RANBP17: variants seen among roughly 807,000 people sequenced by gnomAD.
RANBP17 encodes RAN binding protein 17.
RANBP17 carries 158 observed loss-of-function variants against 141.2 expected under a neutral mutation model. The ratio of observed to expected loss-of-function variants is 1.12; its 90% CI spans 0.98 to 1.28. RANBP17 has a LOEUF of 1.28. Among genes scored for constraint, RANBP17 ranks in the 50% most tolerant of loss-of-function variants. The probability of loss-of-function intolerance (pLI) is 0.00; values close to 1 mark genes in which losing one functional copy is unlikely to be tolerated. For missense variants in RANBP17, 1,438 were observed against 1,290.7 expected (o/e 1.11, Z -1.75); for synonymous variants, 430 against 450.0 (o/e 0.96, Z 0.56).
In RANBP17 at chr5:171,023,907, A is replaced by C. The variant is rs577178345; in HGVS notation, c.1710+55530A>C. On this transcript the variant is annotated intron_variant, in intron 14 of 27. Coordinates refer to ENST00000523189, the MANE Select transcript of RANBP17 (RefSeq NM_022897.5). ...ACTGGCTGTTTGCTCTTGGATCAAA[A>C]GTGTTACTTCATATATTTAATCCAG... is the stretch of plus-strand genomic sequence containing the variant. 2.2e-4 allele frequency among the ~76,000 whole-genome samples: 33 copies of C among 152,308 alleles called. No homozygotes were observed. The East Asian group carries it at 5.6e-3, about 26-fold the overall frequency.
chr5:170,897,360 T>TTCC, intron 5 of RANBP17: 1 of 238,146 alleles, frequency 4.2e-6, no homozygotes, highest in Non-Finnish European at 8.6e-6. Flanking sequence ...CTTCTTCTTC[T>TTCC]TTTTTTTTTT....
chr5:171,115,462 G>T (rs1467782901), intron 14 of RANBP17, among the ~76,000 whole-genome samples: 1 of 152,152 alleles, frequency 6.6e-6, no homozygotes, highest in Non-Finnish European at 1.5e-5. Flanking sequence ...ATTGCCATGA[G>T]TTTGTACATG....
Position 170,909,696 on chromosome 5 carries a change from AATAG to A in RANBP17, c.526_529del (p.Ile176LeufsTer13). 5 of 1,598,150 alleles carry A rather than the reference AATAG, an allele frequency of 3.1e-6. No individual in the cohort carries two copies. The South Asian group carries it at 5.6e-5, about 18-fold the overall frequency. ...CTAGACCTTCAGCAAAACACAGGAA[AATAG>A]CTACCTCATTTCGTGATACTTCTCT... On this transcript the variant is annotated frameshift_variant, in exon 6 of 28. Coordinates refer to ENST00000523189, the MANE Select transcript of RANBP17 (RefSeq NM_022897.5). LOFTEE classifies it high-confidence loss of function.
intron 14 of RANBP17, among the ~76,000 whole-genome samples, chr5:171,155,094 A>C (rs10059918): frequency 1.3e-5 from 1 of 74,988 alleles, no homozygotes; most frequent in African/African-American, 5.2e-5. Context: ...AAAAAAAAAA[A>C]ATATATATAT....
At chr5:170,980,964 C>T (rs557759573) in intron 14 of RANBP17, among the ~76,000 whole-genome samples, 2 of 151,110 alleles carry the variant, frequency 1.3e-5, no homozygotes, top group East Asian at 1.9e-4. Context: ...GCCACAGGAG[C>T]GGAGCTACCC....
intron 5 of RANBP17, 102 bp downstream of exon 5, chr5:170,896,217 G>A (rs1770107290): frequency 5.3e-6 from 4 of 760,350 alleles, no homozygotes; most frequent in Non-Finnish European, 8.7e-6. Context: ...TCATTTTGTG[G>A]CATAAAACTC....
intron 13 of RANBP17, among the ~76,000 whole-genome samples, chr5:170,959,925 A>T (rs970876431): frequency 3.3e-5 from 5 of 152,286 alleles, no homozygotes; most frequent in Non-Finnish European, 7.4e-5. Flanking sequence ...ATATAAGTGG[A>T]CCTGCACAGT....
At chr5:171,060,414 A>T (rs1319343029) in intron 14 of RANBP17, among the ~76,000 whole-genome samples, 1 of 152,032 alleles carries the variant, frequency 6.6e-6, no homozygotes, top group Non-Finnish European at 1.5e-5. Context: ...GCATCTATTG[A>T]GATAATCATG....
intron 12 of RANBP17, 116 bp downstream of exon 12, chr5:170,924,666 C>T (rs1236255200): frequency 6.4e-6 from 4 of 627,762 alleles, no homozygotes; most frequent in African/African-American, 5.6e-5. Context: ...TTCCTGGTCC[C>T]CTAATAAACC....
At chr5:170,994,276 G>A in intron 14 of RANBP17, among the ~76,000 whole-genome samples, 1 of 151,982 alleles carries the variant, frequency 6.6e-6, no homozygotes, top group Non-Finnish European at 1.5e-5. Flanking sequence ...AAAATTATTT[G>A]AATTGGTAGA....
At chr5:170,880,936 A>G (rs904528003) in intron 2 of RANBP17, among the ~76,000 whole-genome samples, 1 of 152,224 alleles carries the variant, frequency 6.6e-6, no homozygotes, top group East Asian at 1.9e-4. Flanking sequence ...CAGCAGTAGG[A>G]AGCACTGAGC....
At chr5:170,995,870 A>C (rs996007651) in intron 14 of RANBP17, among the ~76,000 whole-genome samples, 1 of 152,114 alleles carries the variant, frequency 6.6e-6, no homozygotes, top group African/African-American at 2.4e-5. Flanking sequence ...AATACATTTA[A>C]ATGTTAATGC....
chr5:171,047,864 A>G (rs1407682877), intron 14 of RANBP17, among the ~76,000 whole-genome samples: 2 of 152,168 alleles, frequency 1.3e-5, no homozygotes, highest in African/African-American at 4.8e-5. Flanking sequence ...TATCCATTAA[A>G]TAGCAAAAGT....
rs1581143476 is a variant in RANBP17, at chr5:170,918,780, A to G, written c.1022A>G (p.Gln341Arg). The change falls in exon 10 of 28, where the codon CAG becomes CGG. Residue 341 changes from glutamine to arginine, a missense_variant. Coordinates refer to ENST00000523189, the MANE Select transcript of RANBP17 (RefSeq NM_022897.5). ...RFLARLKTNY[Q>R]LGELVMVKEY... ...TTGGCTCGTTTAAAGACAAATTATC[A>G]GCTGGGAGAATTAGTTATGGTGAAG... The G allele has an allele frequency of 2.5e-6, 4 of 1,607,310 alleles. No individual in the cohort carries two copies. In the African/African-American group the frequency reaches 5.4e-5, roughly 22 times the overall value.
At chr5:171,287,626 A>G (rs926043281) in intron 25 of RANBP17, among the ~76,000 whole-genome samples, 1 of 150,734 alleles carries the variant, frequency 6.6e-6, no homozygotes, top group South Asian at 2.1e-4. Context: ...CCAGGTCCAG[A>G]TACAGGGATG....
intron 12 of RANBP17, among the ~76,000 whole-genome samples, chr5:170,947,232 C>A (rs1390156659): frequency 1.3e-5 from 2 of 152,004 alleles, no homozygotes; most frequent in Non-Finnish European, 1.5e-5. Flanking sequence ...GTAATGTTAA[C>A]CTTTCCTTTC....
At chr5:171,129,341 A>G (rs145755524) in intron 14 of RANBP17, among the ~76,000 whole-genome samples, 353 of 152,328 alleles carry the variant, frequency 2.3e-3, no homozygotes, top group African/African-American at 7.1e-3. Flanking sequence ...TGTTTCTACT[A>G]CCTGACTCGG....
chr5:170,975,876 A>G (rs1004718766), intron 14 of RANBP17, among the ~76,000 whole-genome samples: 2 of 152,158 alleles, frequency 1.3e-5, no homozygotes, highest in Admixed American at 6.5e-5. Context: ...ACCAAAATGG[A>G]TTCCAGCATC....
At chr5:171,041,035 G>T (rs545177589) in intron 14 of RANBP17, among the ~76,000 whole-genome samples, 31 of 152,044 alleles carry the variant, frequency 2.0e-4, no homozygotes, top group Admixed American at 3.9e-4. Context: ...TTGCAGAATG[G>T]CTTGCTCACG....
Sources: gnomAD v4.1 joint callset for allele counts (sites outside exome capture counted in the v4.1 genomes callset) on GRCh38, gnomAD v4.1.1 for gene constraint, MANE v1.5 for transcripts, NCBI Gene and HGNC (gene_info 2026-07-23, HGNC 2026-07-21) for gene names.